The following CTNND2 variants were observed in gnomAD, a reference collection of about 807,000 sequenced individuals.
CTNND2 encodes the protein catenin delta 2, also known as catenin delta-2.
CTNND2 carries 22 observed loss-of-function variants against 144.4 expected under a neutral mutation model. The ratio of observed to expected loss-of-function variants is 0.15; its 90% confidence interval spans 0.11 to 0.22. The LOEUF (loss-of-function observed/expected upper bound fraction) is 0.22. Ranked by LOEUF, CTNND2 falls within the 10% of genes least tolerant of loss-of-function variation. The pLI is 1.00. For missense variants in CTNND2, 1,353 were observed against 1,618.8 expected, an observed-to-expected ratio of 0.84 and a Z score of 2.82; for synonymous variants, 751 against 695.6, an observed-to-expected ratio of 1.08 and a Z score of -1.25.
chr5:11,291,245 C>A (rs1008747696), intron 9 of CTNND2, among the ~76,000 whole-genome samples: 2 of 152,118 alleles, frequency 1.3e-5, no homozygotes, highest in African/African-American at 4.8e-5. Flanking sequence ...TCGAATGTCT[C>A]TTTTCTTTTC....
chr5:11,394,093 G>A (rs1445949547), intron 6 of CTNND2, among the ~76,000 whole-genome samples: 2 of 152,026 alleles, frequency 1.3e-5, no homozygotes, highest in African/African-American at 2.4e-5. Flanking sequence ...AAGTCTCCTC[G>A]AGGTCCCTAT....
chr5:11,404,595 C>A (rs1581123694), intron 5 of CTNND2, among the ~76,000 whole-genome samples: 1 of 71,676 alleles, frequency 1.4e-5, no homozygotes, highest in South Asian at 5.5e-4. Flanking sequence ...CTGTCAGTAT[C>A]TGTATTCTTT....
chr5:11,057,282 A>C (rs958881637), intron 16 of CTNND2, among the ~76,000 whole-genome samples: 1 of 152,200 alleles, frequency 6.6e-6, no homozygotes, highest in African/African-American at 2.4e-5. Flanking sequence ...GTCCCCACCC[A>C]AATCTCATCT....
At chr5:10,986,562 C>T in intron 20 of CTNND2, 1 of 452,440 alleles carries the variant, frequency 2.2e-6, no homozygotes. Flanking sequence ...ACTCAGAATT[C>T]AGATTCACAG....
intron 3 of CTNND2, among the ~76,000 whole-genome samples, chr5:11,428,010 C>T (rs554922890): frequency 3.6e-4 from 55 of 152,232 alleles, no homozygotes; most frequent in African/African-American, 1.1e-3. Context: ...GAGGAAGAAG[C>T]AAAAGCAGAA....
At chr5:11,707,645 C>T (rs1222184392) in intron 2 of CTNND2, among the ~76,000 whole-genome samples, 3 of 152,176 alleles carry the variant, frequency 2.0e-5, no homozygotes, top group African/African-American at 7.2e-5. Context: ...ATATTAAATG[C>T]TAAATTTTCA....
At chr5:11,750,419 C>A (rs527392285) in intron 1 of CTNND2, among the ~76,000 whole-genome samples, 7 of 151,864 alleles carry the variant, frequency 4.6e-5, no homozygotes, top group Non-Finnish European at 1.0e-4. Context: ...GAGTGATTAA[C>A]TAGACTGCTT....
chr5:11,202,008 A>G (rs1253324038), intron 10 of CTNND2, among the ~76,000 whole-genome samples: 1 of 152,226 alleles, frequency 6.6e-6, no homozygotes, highest in African/African-American at 2.4e-5. Flanking sequence ...CACTTTCTCT[A>G]TGAGTGTATA....
chr5:11,027,307 G>A (rs1458733290), intron 16 of CTNND2: 3 of 152,046 alleles, frequency 2.0e-5, no homozygotes, highest in Non-Finnish European at 2.9e-5. Flanking sequence ...TCCATCTTTT[G>A]TTTTTTTAAA....
At chr5:11,545,411 C>T (rs1006519832) in intron 3 of CTNND2, among the ~76,000 whole-genome samples, 1 of 151,652 alleles carries the variant, frequency 6.6e-6, no homozygotes, top group Admixed American at 6.6e-5. Context: ...GTGGCTCACG[C>T]CTGTAATCCC....
intron 3 of CTNND2, among the ~76,000 whole-genome samples, chr5:11,448,210 G>A (rs538905861): frequency 5.9e-5 from 9 of 152,206 alleles, no homozygotes; most frequent in Admixed American, 1.3e-4. Context: ...CAAAACTAAT[G>A]AGAATGTGTA....
chr5:11,035,375 T>G (rs1160213783), intron 16 of CTNND2, among the ~76,000 whole-genome samples: 2 of 152,188 alleles, frequency 1.3e-5, no homozygotes, highest in Non-Finnish European at 2.9e-5. Context: ...TTTCTACCTT[T>G]AAAACTAGCA....
At chr5:11,118,126 T>C (rs1185144244) in intron 12 of CTNND2, among the ~76,000 whole-genome samples, 1 of 152,226 alleles carries the variant, frequency 6.6e-6, no homozygotes, top group African/African-American at 2.4e-5. Flanking sequence ...TCCAAGCTCT[T>C]TTCTGTACTA....
chr5:11,293,834 A>C (rs1414370530), intron 9 of CTNND2, among the ~76,000 whole-genome samples: 2 of 146,918 alleles, frequency 1.4e-5, no homozygotes, highest in Non-Finnish European at 3.0e-5. Flanking sequence ...GTTAATGCTT[A>C]AATATATATG....
chr5:11,406,719 T>C (rs1761128867), intron 5 of CTNND2, among the ~76,000 whole-genome samples: 1 of 152,178 alleles, frequency 6.6e-6, no homozygotes, highest in African/African-American at 2.4e-5. Flanking sequence ...TTAAACTATA[T>C]ATGATTATTC....
intron 3 of CTNND2, among the ~76,000 whole-genome samples, chr5:11,450,260 A>G (rs1398189772): frequency 6.6e-6 from 1 of 152,208 alleles, no homozygotes. Context: ...TGCTATTGGT[A>G]GGTTCTATCA....
intron 1 of CTNND2, among the ~76,000 whole-genome samples, chr5:11,768,304 T>C (rs1299033315): frequency 1.3e-5 from 2 of 151,810 alleles, no homozygotes; most frequent in Non-Finnish European, 2.9e-5. Context: ...TTTTGTTTTG[T>C]TTTGTGACAG....
intron 12 of CTNND2, 72 bp downstream of exon 12, chr5:11,159,504 A>G (rs1580449841): frequency 5.5e-6 from 7 of 1,262,980 alleles, no homozygotes. Context: ...AAGAGCCACT[A>G]AAGTTATGGA....
rs61757063 is a variant in CTNND2 at position 11,083,000 on chromosome 5, A to T, written c.2638-154T>A. Among the ~76,000 whole-genome samples, 172 of 152,350 alleles carry T rather than the reference A, an allele frequency of 1.1e-3. 1 individual carries two copies. Among genetic ancestry groups the T allele is most frequent in the African/African-American group, 4.0e-3 (168 of 41,584 alleles). ...AATGGGTTGAATACGTTAGACATGC[A>T]TTTAAACTTTTTAACTGTATTTTTT... On this transcript the variant is annotated intron_variant, in intron 15 of 21. Coordinates refer to ENST00000304623, the MANE Select transcript of CTNND2 (RefSeq NM_001332.4).
Sources: gnomAD v4.1 joint callset for allele counts (sites outside exome capture counted in the v4.1 genomes callset) on GRCh38, gnomAD v4.1.1 for gene constraint, MANE v1.5 for transcripts, NCBI Gene and HGNC (gene_info 2026-07-23, HGNC 2026-07-21) for gene names.